Variants in WDFY2 observed in about 807,000 individuals in gnomAD.
WDFY2 encodes the protein WD repeat and FYVE domain containing 2, also known as WD repeat and FYVE domain-containing protein 2.
A neutral mutation model predicts 56.4 loss-of-function variants in WDFY2; 36 were observed. The observed-to-expected ratio is 0.64, with a 90% CI of 0.49 to 0.84. The LOEUF (loss-of-function observed/expected upper bound fraction) is 0.84, where lower values mean the gene tolerates loss of function less well. Ranked by LOEUF, WDFY2 falls within the 40% of genes least tolerant of loss-of-function variation. The pLI is 0.00. For missense variants in WDFY2, 444 were observed against 512.2 expected (o/e 0.87, Z 1.29); for synonymous variants, 176 against 183.7 (o/e 0.96, Z 0.34).
intron 2 of WDFY2, among the ~76,000 whole-genome samples, chr13:51,663,501 A>C (rs1955649483): frequency 6.6e-6 from 1 of 152,160 alleles, no homozygotes; most frequent in African/African-American, 2.4e-5. Context: ...TGAAAAAGAA[A>C]GTTATCTTCA....
chr13:51,623,013 A>G (rs1954767502), intron 1 of WDFY2, among the ~76,000 whole-genome samples: 1 of 151,968 alleles, frequency 6.6e-6, no homozygotes, highest in East Asian at 1.9e-4. Flanking sequence ...ACGCACAACC[A>G]TGCCTGGCTA....
At chr13:51,736,882 A>G (rs761836993) in intron 6 of WDFY2, among the ~76,000 whole-genome samples, 4 of 152,222 alleles carry the variant, frequency 2.6e-5, no homozygotes, top group South Asian at 2.1e-4. Context: ...CCCTATTTCA[A>G]TATTTCCATG....
At chr13:51,608,283 A>G (rs1323573857) in intron 1 of WDFY2, among the ~76,000 whole-genome samples, 1 of 152,254 alleles carries the variant, frequency 6.6e-6, no homozygotes, top group Non-Finnish European at 1.5e-5. Context: ...ATTCAAATAG[A>G]ATCAAATGGT....
intron 4 of WDFY2, among the ~76,000 whole-genome samples, chr13:51,712,598 AAG>A (rs1272797016): frequency 4.6e-5 from 7 of 152,160 alleles, no homozygotes; most frequent in Non-Finnish European, 8.8e-5. Context: ...CCAGAGAAAG[AAG>A]AGTCTCCTAA....
chr13:51,703,306 A>G (rs941689415), intron 3 of WDFY2, among the ~76,000 whole-genome samples: 1 of 152,226 alleles, frequency 6.6e-6, no homozygotes, highest in African/African-American at 2.4e-5. Flanking sequence ...AATATTTTGA[A>G]TTAGGTTTAT....
chr13:51,655,428 T>C (rs1040698489), intron 1 of WDFY2, among the ~76,000 whole-genome samples: 2 of 152,042 alleles, frequency 1.3e-5, no homozygotes, highest in African/African-American at 4.8e-5. Flanking sequence ...GTCAAATGCA[T>C]TTTCTGTGTC....
intron 1 of WDFY2, among the ~76,000 whole-genome samples, chr13:51,644,231 C>T (rs1397301340): frequency 2.0e-5 from 3 of 152,150 alleles, no homozygotes; most frequent in Admixed American, 6.5e-5. Flanking sequence ...AATACAAGGG[C>T]ACTATCTGCA....
At chr13:51,748,590 C>A (rs1284896136) in intron 7 of WDFY2, among the ~76,000 whole-genome samples, 1 of 151,914 alleles carries the variant, frequency 6.6e-6, no homozygotes, top group African/African-American at 2.4e-5. Flanking sequence ...ATTTAAAATT[C>A]TTTTCACACG....
At chr13:51,613,822 T>G (rs1954550637) in intron 1 of WDFY2, among the ~76,000 whole-genome samples, 1 of 152,144 alleles carries the variant, frequency 6.6e-6, no homozygotes, top group Admixed American at 6.5e-5. Flanking sequence ...GACTTCTCCT[T>G]AAGGGTGTTC....
chr13:51,586,673 A>T (rs1268093812), intron 1 of WDFY2: 1 of 152,172 alleles, frequency 6.6e-6, no homozygotes, highest in Non-Finnish European at 1.5e-5. Context: ...TATTAATGAA[A>T]CTGAAGAATA....
At chr13:51,732,142 T>C (rs1285062065) in intron 6 of WDFY2, among the ~76,000 whole-genome samples, 1 of 152,068 alleles carries the variant, frequency 6.6e-6, no homozygotes, top group Non-Finnish European at 1.5e-5. Context: ...TTTTTTTTTG[T>C]TTTTTTGAGA....
chr13:51,625,180 A>T (rs917017999), intron 1 of WDFY2, among the ~76,000 whole-genome samples: 19 of 152,184 alleles, frequency 1.2e-4, no homozygotes, highest in Non-Finnish European at 8.8e-5. Context: ...AGGTGATGTG[A>T]TGGTGGCCAG....
intron 7 of WDFY2, among the ~76,000 whole-genome samples, chr13:51,743,070 G>A (rs1953011363): frequency 1.3e-5 from 2 of 152,212 alleles, no homozygotes; most frequent in South Asian, 4.1e-4. Flanking sequence ...ACAAGGATCA[G>A]TACAAATGAC....
At chr13:51,724,667 C>T (rs1257426458) in intron 5 of WDFY2, among the ~76,000 whole-genome samples, 1 of 152,210 alleles carries the variant, frequency 6.6e-6, no homozygotes, top group East Asian at 1.9e-4. Flanking sequence ...CCAGCATCCC[C>T]CGCCAGAGTG....
Position 51,739,043 on chromosome 13 carries a change from T to C in WDFY2, c.599-6T>C. The stretch of plus-strand genomic sequence containing the variant: ...GACTGATGTCTGGTTGTGTCTGTCC[T>C]CTCAGGTGGGGTGACCGCTCTCTGT... On this transcript the variant is annotated splice_region_variant and splice_polypyrimidine_tract_variant and intron_variant, in intron 6 of 11. Transcript: ENST00000298125. 6.4e-7 allele frequency: 1 copy of C among 1,573,182 alleles called. No homozygotes were observed. The highest frequency in any genetic ancestry group is 1.8e-5 in the Admixed American group (1 of 54,380).
intron 1 of WDFY2, among the ~76,000 whole-genome samples, chr13:51,624,090 TA>T (rs1954793835): frequency 6.6e-6 from 1 of 152,210 alleles, no homozygotes; most frequent in African/African-American, 2.4e-5. Context: ...GAGAAACCTG[TA>T]TACGGTGAAA....
intron 1 of WDFY2, among the ~76,000 whole-genome samples, chr13:51,653,292 A>C (rs1955439446): frequency 6.6e-6 from 1 of 152,124 alleles, no homozygotes; most frequent in South Asian, 2.1e-4. Flanking sequence ...TGGTTATTCT[A>C]GTTAGCCATT....
intron 10 of WDFY2, among the ~76,000 whole-genome samples, chr13:51,757,361 A>T (rs1953419756): frequency 6.6e-6 from 1 of 152,226 alleles, no homozygotes; most frequent in Admixed American, 6.5e-5. Flanking sequence ...TTAAGAGTTT[A>T]AGGGACTTAC....
At chr13:51,668,747 A>G (rs1427010033) in intron 2 of WDFY2, among the ~76,000 whole-genome samples, 1 of 152,188 alleles carries the variant, frequency 6.6e-6, no homozygotes, top group Non-Finnish European at 1.5e-5. Flanking sequence ...TTTAGTTTTA[A>G]AGTTTGAACC....
Sources: allele counts gnomAD v4.1 joint callset (sites outside exome capture counted in the v4.1 genomes callset), GRCh38; gene constraint gnomAD v4.1.1; transcripts MANE v1.5; gene names NCBI Gene and HGNC (gene_info 2026-07-23, HGNC 2026-07-21).